The following ADGRG6 variants were observed in gnomAD, a reference collection of about 807,000 sequenced individuals.
ADGRG6 encodes the protein adhesion G protein-coupled receptor G6.
Under a neutral mutation model 142.4 loss-of-function variants are expected in ADGRG6, and 84 were observed. The ratio of observed to expected loss-of-function variants is 0.59; its 90% CI spans 0.49 to 0.71. The LOEUF is 0.71. Ranked by LOEUF, ADGRG6 falls within the 30% of genes least tolerant of loss-of-function variation. The probability of loss-of-function intolerance (pLI) is 0.00; values close to 1 mark genes in which losing one functional copy is unlikely to be tolerated. For synonymous variants in ADGRG6, 521 were observed against 520.5 expected, an observed-to-expected ratio of 1.00 and a Z score of -0.01; for missense variants, 1,367 against 1,466.6, an observed-to-expected ratio of 0.93 and a Z score of 1.11.
Position 142,389,422 on chromosome 6 carries a change from T to G in ADGRG6, c.1223-836T>G, listed in dbSNP as rs1774756907. The stretch of plus-strand genomic sequence containing the variant: ...CAAAAAATTTTCTTCTCTCTGTATC[T>G]TACCATAATTTAAAAGGGTATTTTT... On this transcript the variant is annotated intron_variant, in intron 6 of 24. Transcript: ENST00000367609. Among the ~76,000 whole-genome samples, 3 of 152,050 alleles carry G rather than the reference T, an allele frequency of 2.0e-5. No individual in the cohort carries two copies. The South Asian group carries it at 6.2e-4, about 32-fold the overall frequency.
intron 2 of ADGRG6, among the ~76,000 whole-genome samples, chr6:142,362,162 C>T (rs1780757888): frequency 6.6e-6 from 1 of 152,154 alleles, no homozygotes; most frequent in South Asian, 2.1e-4. Context: ...AAAAAATTGT[C>T]AGTCTTAATG....
intron 2 of ADGRG6, among the ~76,000 whole-genome samples, chr6:142,336,336 T>C (rs1454492685): frequency 6.6e-6 from 1 of 152,244 alleles, no homozygotes; most frequent in Non-Finnish European, 1.5e-5. Flanking sequence ...AGTAACCTTT[T>C]TCTAAGATTG....
intron 2 of ADGRG6, among the ~76,000 whole-genome samples, chr6:142,352,536 C>T (rs529001379): frequency 1.7e-4 from 26 of 152,166 alleles, no homozygotes; most frequent in Non-Finnish European, 2.2e-4. Context: ...ATTTTGGTGA[C>T]GATTTGTACC....
chr6:142,335,131 A>G (rs538740405), intron 2 of ADGRG6, among the ~76,000 whole-genome samples: 6 of 152,214 alleles, frequency 3.9e-5, no homozygotes, highest in Non-Finnish European at 7.3e-5. Flanking sequence ...CTTGTTTATT[A>G]CAGGTGATCG....
At chr6:142,317,805 T>C (rs1183028090) in intron 2 of ADGRG6, among the ~76,000 whole-genome samples, 1 of 91,180 alleles carries the variant, frequency 1.1e-5, no homozygotes, top group Non-Finnish European at 2.0e-5. Context: ...ATATATTATA[T>C]ATATTTATAT....
chr6:142,426,084 C>T (rs1265791136), intron 22 of ADGRG6, among the ~76,000 whole-genome samples: 1 of 152,082 alleles, frequency 6.6e-6, no homozygotes, highest in Non-Finnish European at 1.5e-5. Flanking sequence ...ACCCCTGGCC[C>T]CTCCCAGATC....
At position 142,349,163 on chromosome 6, in the gene ADGRG6, C is replaced by T. The variant is rs9496348; in HGVS notation, c.104-18406C>T. Among the ~76,000 whole-genome samples, 735 of 152,314 alleles carry T rather than the reference C, an allele frequency of 4.8e-3. 9 individuals carry two copies. The highest frequency in any genetic ancestry group is 0.017 in the African/African-American group (697 of 41,572). ...ATAGACATTTCTTTATGAGCTTCCT[C>T]AGTGCCTCTTGTTTCAATCAAACAT... On this transcript the variant is annotated intron_variant, in intron 2 of 24. Coordinates refer to ENST00000367609, the MANE Select transcript of ADGRG6 (RefSeq NM_198569.3).
Position 142,390,318 on chromosome 6 carries a change from A to C in ADGRG6, c.1283A>C (p.Lys428Thr), listed in dbSNP as rs1430045972. Residue 428 changes from lysine (K) to threonine (T), a missense_variant, in exon 7 of 25, where the codon AAA (lysine) becomes ACA (threonine). Physicochemically the swap from Lys to Thr is moderately conservative, Grantham distance 78. Transcript: ENST00000367609. ...AACATCCTTCGTCACCCTGAGGTAA[A>C]AGTACAGAGCAAGGTGGCAGAATGG... ...IQNILRHPEV[K>T]VQSKVAEWLN... The C allele has an allele frequency of 3.1e-6, 5 of 1,599,912 alleles. No individual in the cohort carries two copies. Among genetic ancestry groups the C allele is most frequent in the Non-Finnish European group, 4.3e-6 (5 of 1,169,516 alleles).
chr6:142,436,526 G>A (rs765887147), intron 22 of ADGRG6, among the ~76,000 whole-genome samples: 12 of 152,120 alleles, frequency 7.9e-5, no homozygotes, highest in Non-Finnish European at 1.2e-4. Flanking sequence ...AAAAGGGGAG[G>A]CAGCAAAAGT....
At chr6:142,423,543 A>G (rs1424010885) in intron 22 of ADGRG6, among the ~76,000 whole-genome samples, 1 of 149,822 alleles carries the variant, frequency 6.7e-6, no homozygotes, top group Non-Finnish European at 1.5e-5. Flanking sequence ...CTGTTTTGGT[A>G]CCAGTACCAT....
intron 4 of ADGRG6, among the ~76,000 whole-genome samples, chr6:142,378,477 A>G (rs1161397771): frequency 6.6e-6 from 1 of 152,206 alleles, no homozygotes; most frequent in African/African-American, 2.4e-5. Flanking sequence ...ATAAGTACCT[A>G]CAAAAGGGAG....
intron 21 of ADGRG6, among the ~76,000 whole-genome samples, chr6:142,419,311 G>A (rs1350161109): frequency 1.3e-5 from 2 of 152,116 alleles, no homozygotes; most frequent in Non-Finnish European, 2.9e-5. Context: ...TAGCTCACTT[G>A]CACGTTTGAA....
chr6:142,394,130 A>G (rs1775049580), intron 9 of ADGRG6, among the ~76,000 whole-genome samples, 172 bp downstream of exon 9: 1 of 152,204 alleles, frequency 6.6e-6, no homozygotes. Flanking sequence ...ACTGTAATGT[A>G]ACAGACTGGG....
chr6:142,325,766 T>A (rs1294226542), intron 2 of ADGRG6, among the ~76,000 whole-genome samples: 1 of 152,032 alleles, frequency 6.6e-6, no homozygotes, highest in Non-Finnish European at 1.5e-5. Flanking sequence ...AAAAAAGGAG[T>A]TATCTTAGAA....
intron 22 of ADGRG6, among the ~76,000 whole-genome samples, chr6:142,423,883 C>T (rs1292908901): frequency 2.2e-5 from 3 of 136,128 alleles, no homozygotes; most frequent in African/African-American, 8.4e-5. Flanking sequence ...AGAGGTCCTT[C>T]ACATCCCTTG....
At chr6:142,425,663 C>T (rs1776901937) in intron 22 of ADGRG6, among the ~76,000 whole-genome samples, 1 of 152,062 alleles carries the variant, frequency 6.6e-6, no homozygotes, top group Non-Finnish European at 1.5e-5. Context: ...TGTGTGGGAG[C>T]ATGTGTTTGA....
In ADGRG6 at chr6:142,416,125, T is replaced by C. The variant is rs958837576; in HGVS notation, c.2938+61T>C. The C allele has an allele frequency of 8.0e-6, 10 of 1,248,770 alleles. No individual in the cohort carries two copies. In the South Asian group the frequency reaches 1.1e-4, roughly 14 times the overall value. The allele number at this position is 1,248,770 out of a possible 1,614,324, so 77.4% of individuals were successfully genotyped here. On this transcript the variant is annotated intron_variant, in intron 20 of 24. Coordinates refer to ENST00000367609, the MANE Select transcript of ADGRG6 (RefSeq NM_198569.3). ...CCTCATGAAAATTGCCAGATTCTCA[T>C]AGGAAAAAATCTTATTTAAAAAAAA...
At chr6:142,303,641 C>T (rs1046935111) in intron 1 of ADGRG6, among the ~76,000 whole-genome samples, 1 of 152,096 alleles carries the variant, frequency 6.6e-6, no homozygotes, top group Non-Finnish European at 1.5e-5. Context: ...CATATACAGG[C>T]TACACATTTT....
At chr6:142,318,158 A>T (rs1174533115) in intron 2 of ADGRG6, among the ~76,000 whole-genome samples, 1 of 1,070 alleles carries the variant, frequency 9.3e-4, no homozygotes, top group African/African-American at 2.8e-3. Flanking sequence ...ATTATATATT[A>T]TATATATTAT....
Sources: allele counts gnomAD v4.1 joint callset (sites outside exome capture counted in the v4.1 genomes callset), GRCh38; gene constraint gnomAD v4.1.1; transcripts MANE v1.5; gene names NCBI Gene and HGNC (gene_info 2026-07-23, HGNC 2026-07-21).